TCF4: variants seen among roughly 807,000 people sequenced by gnomAD.
The protein encoded by TCF4 is transcription factor 4.
In TCF4, 3 loss-of-function variants were observed where a neutral mutation model predicts 82.1. The observed-to-expected ratio is 0.04, with a 90% CI of 0.02 to 0.09. The LOEUF (loss-of-function observed/expected upper bound fraction) is 0.09. Among genes scored for constraint, TCF4 ranks in the 10% least tolerant of loss-of-function variants. The pLI is 1.00. For missense variants in TCF4, 518 were observed against 852.7 expected, an observed-to-expected ratio of 0.61 and a Z score of 4.89; for synonymous variants, 276 against 309.6, an observed-to-expected ratio of 0.89 and a Z score of 1.14.
chr18:55,496,516 A>G (rs936321968), intron 3 of TCF4: 1 of 152,128 alleles, frequency 6.6e-6, no homozygotes, highest in Non-Finnish European at 1.5e-5. Flanking sequence ...TCCTCTCAAG[A>G]TCTTCAACCA....
intron 6 of TCF4, among the ~76,000 whole-genome samples, chr18:55,357,340 A>G (rs2083811319): frequency 6.6e-6 from 1 of 152,216 alleles, no homozygotes; most frequent in Non-Finnish European, 1.5e-5. Context: ...TATGTAAACA[A>G]TACAGAATTT....
intron 6 of TCF4, among the ~76,000 whole-genome samples, chr18:55,395,568 T>C (rs1469401769): frequency 1.3e-5 from 2 of 152,210 alleles, no homozygotes; most frequent in South Asian, 4.1e-4. Context: ...TATTCTGTTG[T>C]TTCATATATT....
chr18:55,608,963 G>A (rs2097704689), intron 2 of TCF4, among the ~76,000 whole-genome samples: 1 of 152,130 alleles, frequency 6.6e-6, no homozygotes, highest in Admixed American at 6.6e-5. Context: ...AACGAGGTCA[G>A]GAAGGTAGAG....
At position 55,228,212 on chromosome 18, in the gene TCF4, C is replaced by T; in HGVS notation, c.*4+9G>A. The T allele has an allele frequency of 1.2e-6, 2 of 1,614,046 alleles. No homozygotes were observed. Among genetic ancestry groups the T allele is most frequent in the Non-Finnish European group, 1.7e-6 (2 of 1,179,994 alleles). On this transcript the variant is annotated intron_variant, in intron 19 of 19. Coordinates refer to ENST00000354452, the MANE Select transcript of TCF4 (RefSeq NM_001083962.2). Reference sequence around the variant, plus strand: ...GATCGATCTCAGAAATGGCTGAAAACAAACTTGCCCTTTTACATCTGTCCC... The same window carrying T: ...GATCGATCTCAGAAATGGCTGAAAATAAACTTGCCCTTTTACATCTGTCCC...
Position 55,401,985 on chromosome 18 carries a change from G to A in TCF4, c.369+1469C>T, listed in dbSNP as rs886181082. On this transcript the variant is annotated intron_variant, in intron 6 of 19. Transcript: ENST00000354452. ...ACACGGTCTTCTGCAGGAACTGAGA[G>A]CTTTACACCAGAGACACAGCACTCA... 21 of 966,238 alleles carry A rather than the reference G, an allele frequency of 2.2e-5. No individual in the cohort carries two copies. In the South Asian group the frequency reaches 5.3e-4, roughly 24 times the overall value. The allele number at this position is 966,238 out of a possible 1,614,324, so 59.9% of individuals were successfully genotyped here.
intron 3 of TCF4, among the ~76,000 whole-genome samples, chr18:55,543,115 C>A (rs1768002769): frequency 6.6e-6 from 1 of 152,024 alleles, no homozygotes; most frequent in African/African-American, 2.4e-5. Context: ...AAATTAGTAT[C>A]TTTGTAACAG....
In TCF4 at chr18:55,464,086, C is replaced by G. The variant is rs764665729; in HGVS notation, c.197G>C (p.Ser66Thr). The G allele has an allele frequency of 6.2e-7, 1 of 1,613,880 alleles. No homozygotes were observed. Among genetic ancestry groups the G allele is most frequent in the South Asian group, 1.1e-5 (1 of 91,076 alleles). Reference protein sequence around the residue: ...SGSWGNGGHPSPSRNYGDGTP... With the variant: ...SGSWGNGGHPTPSRNYGDGTP... ...ATTAGATATACTTACCCTGGACGGG[C>G]TTGGATGTCCTCCATTCCCCCAGGA... The change falls in exon 4 of 20, where the codon AGC (serine) becomes ACC (threonine). Residue 66 changes from serine to threonine, a missense_variant. Around this residue, in one of 7 missense-constraint regions of TCF4, gnomAD observed 80 missense variants for 93.8 expected, o/e 0.85. Coordinates refer to ENST00000354452, the MANE Select transcript of TCF4 (RefSeq NM_001083962.2).
At chr18:55,509,049 G>A (rs2096795532) in intron 3 of TCF4, among the ~76,000 whole-genome samples, 1 of 152,036 alleles carries the variant, frequency 6.6e-6, no homozygotes, top group African/African-American at 2.4e-5. Context: ...CTCCATTTCT[G>A]AGTCTAAGTT....
chr18:55,594,543 T>G (rs2147932354), intron 2 of TCF4, among the ~76,000 whole-genome samples: 1 of 152,294 alleles, frequency 6.6e-6, no homozygotes, highest in South Asian at 2.1e-4. Flanking sequence ...AAGTGCAGCT[T>G]TCATATTTTT....
intron 15 of TCF4, among the ~76,000 whole-genome samples, chr18:55,245,031 C>A (rs139947779): frequency 2.5e-4 from 38 of 152,292 alleles, no homozygotes; most frequent in Admixed American, 1.2e-3. Flanking sequence ...TTAAACTCAA[C>A]TTTATAGTTC....
chr18:55,379,630 T>A (rs1244143197), intron 6 of TCF4, among the ~76,000 whole-genome samples: 1 of 152,182 alleles, frequency 6.6e-6, no homozygotes, highest in Non-Finnish European at 1.5e-5. Flanking sequence ...TTGGGGTTTT[T>A]TTTGGTGGAA....
chr18:55,522,257 T>C (rs1478036403), intron 3 of TCF4, among the ~76,000 whole-genome samples: 2 of 152,144 alleles, frequency 1.3e-5, no homozygotes, highest in African/African-American at 4.8e-5. Context: ...AAAATATATG[T>C]AGTTAGCCTC....
upstream of TCF4, chr18:55,588,300 G>C (rs2147906369): frequency 1.4e-6 from 2 of 1,449,018 alleles, no homozygotes; most frequent in East Asian, 2.5e-5. Context: ...GCACGGAATT[G>C]CAAGTTCAGC....
At chr18:55,257,129 C>T (rs981914617) in intron 14 of TCF4, among the ~76,000 whole-genome samples, 186 bp downstream of exon 14, 14 of 152,120 alleles carry the variant, frequency 9.2e-5, no homozygotes. Flanking sequence ...ACAGTAGTAT[C>T]TGGGTTCCCA....
intron 6 of TCF4, among the ~76,000 whole-genome samples, chr18:55,352,287 A>T (rs1338593155): frequency 6.6e-6 from 1 of 152,168 alleles, no homozygotes; most frequent in East Asian, 1.9e-4. Context: ...CAGTTGGTCA[A>T]ATATGACCCA....
chr18:55,476,362 T>A (rs1603515733), intron 3 of TCF4, among the ~76,000 whole-genome samples: 1 of 152,214 alleles, frequency 6.6e-6, no homozygotes, highest in African/African-American at 2.4e-5. Flanking sequence ...CAATACAGCA[T>A]AAGCATACCA....
intron 15 of TCF4, among the ~76,000 whole-genome samples, chr18:55,235,735 G>A (rs2049163786): frequency 6.6e-6 from 1 of 152,174 alleles, no homozygotes. Context: ...CTATGGTTAA[G>A]TGAGCATTTA....
chr18:55,242,868 A>C (rs887844894), intron 15 of TCF4, among the ~76,000 whole-genome samples: 6 of 152,170 alleles, frequency 3.9e-5, no homozygotes, highest in Admixed American at 1.3e-4. Flanking sequence ...TTGGCTTCCC[A>C]AAGTGCTGGG....
At chr18:55,242,946 A>G (rs1242218724) in intron 15 of TCF4, among the ~76,000 whole-genome samples, 1 of 152,164 alleles carries the variant, frequency 6.6e-6, no homozygotes, top group African/African-American at 2.4e-5. Flanking sequence ...ATATTACTAT[A>G]CAAGGCAAAA....
Sources: allele counts gnomAD v4.1 joint callset (sites outside exome capture counted in the v4.1 genomes callset), GRCh38; gene constraint gnomAD v4.1.1; regional missense constraint gnomAD v4.1.1; transcripts MANE v1.5; gene names NCBI Gene and HGNC (gene_info 2026-07-23, HGNC 2026-07-21).